Variants in ZMAT4 observed in about 807,000 individuals in gnomAD.
ZMAT4 encodes zinc finger matrin-type 4.
In ZMAT4, 17 loss-of-function variants were observed where a neutral mutation model predicts 28.7. The observed-to-expected ratio is 0.59, with a 90% CI of 0.41 to 0.89. ZMAT4 has a LOEUF of 0.89. Ranked by LOEUF, ZMAT4 falls within the 40% of genes least tolerant of loss-of-function variation. The pLI is 0.00. For synonymous variants in ZMAT4, 117 were observed against 109.2 expected (o/e 1.07, Z -0.44); for missense variants, 240 against 283.8 (o/e 0.85, Z 1.11).
chr8:40,696,426 A>G (rs1809886993), intron 4 of ZMAT4, among the ~76,000 whole-genome samples: 1 of 152,222 alleles, frequency 6.6e-6, no homozygotes, highest in Admixed American at 6.5e-5. Flanking sequence ...TTTTAATCGC[A>G]TGGAAAGAGT....
chr8:40,822,056 A>G (rs961945158), intron 2 of ZMAT4, among the ~76,000 whole-genome samples: 2 of 152,254 alleles, frequency 1.3e-5, no homozygotes, highest in African/African-American at 2.4e-5. Flanking sequence ...TAACAGCACG[A>G]TGTAATGTAC....
chr8:40,866,152 TC>T (rs1251132639), intron 1 of ZMAT4, among the ~76,000 whole-genome samples: 1 of 152,236 alleles, frequency 6.6e-6, no homozygotes, highest in Non-Finnish European at 1.5e-5. Flanking sequence ...TAAAGTTCTT[TC>T]ACTTGAATTT....
At chr8:40,742,084 C>CAAAAAAAA (rs761846118) in intron 3 of ZMAT4, among the ~76,000 whole-genome samples, 3 of 8,470 alleles carry the variant, frequency 3.5e-4, no homozygotes, top group African/African-American at 6.5e-4. Context: ...ACTAAAAATA[C>CAAAAAAAA]AAAAAAAAAC....
At chr8:40,676,835 C>T (rs1808931408) in intron 4 of ZMAT4, among the ~76,000 whole-genome samples, 1 of 152,080 alleles carries the variant, frequency 6.6e-6, no homozygotes, top group South Asian at 2.1e-4. Context: ...AGAAATAAAG[C>T]TCAAATGTGG....
chr8:40,713,280 G>A (rs1304505173), intron 3 of ZMAT4, among the ~76,000 whole-genome samples: 1 of 152,086 alleles, frequency 6.6e-6, no homozygotes, highest in Non-Finnish European at 1.5e-5. Flanking sequence ...AAGTCACTAG[G>A]AGAAATAAAT....
At chr8:40,803,661 C>T (rs1563495267) in intron 2 of ZMAT4, among the ~76,000 whole-genome samples, 1 of 152,174 alleles carries the variant, frequency 6.6e-6, no homozygotes, top group African/African-American at 2.4e-5. Context: ...CTTTGGAAGA[C>T]AATTTGGCAG....
At chr8:40,781,599 A>G (rs1436167977) in intron 2 of ZMAT4, among the ~76,000 whole-genome samples, 2 of 150,162 alleles carry the variant, frequency 1.3e-5, no homozygotes, top group Non-Finnish European at 3.0e-5. Context: ...CGTCTCTACT[A>G]AAAATACAAA....
chr8:40,712,912 A>C (rs189257003), intron 3 of ZMAT4, among the ~76,000 whole-genome samples: 1 of 152,198 alleles, frequency 6.6e-6, no homozygotes, highest in Admixed American at 6.5e-5. Context: ...GTCTTCCCAT[A>C]TGTATTTGCA....
At chr8:40,624,955 A>C (rs1379042592) in intron 5 of ZMAT4, among the ~76,000 whole-genome samples, 2 of 152,220 alleles carry the variant, frequency 1.3e-5, no homozygotes, top group African/African-American at 4.8e-5. Context: ...ATAATTTCAA[A>C]TAATGCTAAG....
chr8:40,887,669 G>A (rs1234033109), intron 1 of ZMAT4, among the ~76,000 whole-genome samples: 1 of 152,070 alleles, frequency 6.6e-6, no homozygotes, highest in Non-Finnish European at 1.5e-5. Flanking sequence ...CAACCCCGCA[G>A]AGCAATTGCA....
chr8:40,542,347 A>G (rs1803062933), intron 6 of ZMAT4, among the ~76,000 whole-genome samples: 1 of 152,110 alleles, frequency 6.6e-6, no homozygotes, highest in African/African-American at 2.4e-5. Context: ...AAGCAGTAAT[A>G]TGATCATCCG....
rs1802709249 is a variant in ZMAT4 at position 40,532,139 on chromosome 8, A to T, written c.*84T>A. 1.5e-6 allele frequency: 2 copies of T among 1,306,418 alleles called. No homozygotes were observed. The highest frequency in any genetic ancestry group is 3.0e-5 in the African/African-American group (2 of 66,554). 80.9% of individuals were successfully genotyped at this position (1,306,418 alleles called of 1,614,324 possible). ...AAGAAATGTTTATTGTTCAAGAAAG[A>T]AGCCTCCTCTGGTGGTTGATAAGCA... On this transcript the variant is annotated 3_prime_UTR_variant, in exon 7 of 7. Transcript: ENST00000297737.
chr8:40,784,864 A>G (rs1008711160), intron 2 of ZMAT4, among the ~76,000 whole-genome samples: 1 of 152,210 alleles, frequency 6.6e-6, no homozygotes, highest in African/African-American at 2.4e-5. Context: ...GTAAATAATA[A>G]GAGAGGTGGC....
intron 3 of ZMAT4, among the ~76,000 whole-genome samples, chr8:40,748,346 C>T (rs1210400806): frequency 6.6e-6 from 1 of 152,188 alleles, no homozygotes; most frequent in Non-Finnish European, 1.5e-5. Flanking sequence ...TGCTGTAGAG[C>T]ATTTCAATGG....
chr8:40,732,900 C>T (rs1811605454), intron 3 of ZMAT4, among the ~76,000 whole-genome samples: 1 of 124,732 alleles, frequency 8.0e-6, no homozygotes, highest in African/African-American at 3.1e-5. Flanking sequence ...GGCTGGAATG[C>T]AGTGGCATGA....
intron 5 of ZMAT4, among the ~76,000 whole-genome samples, chr8:40,591,378 C>T (rs1804887934): frequency 6.6e-6 from 1 of 152,214 alleles, no homozygotes; most frequent in Admixed American, 6.5e-5. Context: ...TCTCCACCCT[C>T]AAGGTTGCTG....
intron 3 of ZMAT4, among the ~76,000 whole-genome samples, chr8:40,716,116 A>T (rs945533167): frequency 6.6e-6 from 1 of 152,222 alleles, no homozygotes; most frequent in African/African-American, 2.4e-5. Flanking sequence ...TATAACTTTA[A>T]TGGAGGGCTT....
At chr8:40,631,910 A>G (rs750080740) in intron 5 of ZMAT4, among the ~76,000 whole-genome samples, 2 of 152,206 alleles carry the variant, frequency 1.3e-5, no homozygotes, top group African/African-American at 2.4e-5. Flanking sequence ...CCCACTTCAA[A>G]TACTCAGACG....
rs141473804 is a variant in ZMAT4, at chr8:40,561,741, T to C, written c.674+19424A>G. ...GGCTTTGAATGTGGCCCAATACAAA[T>C]TCGTAAACTTTCTCAAAACATTATG... On this transcript the variant is annotated intron_variant, in intron 6 of 6. Transcript: ENST00000297737. Among the ~76,000 whole-genome samples the C allele has an allele frequency of 5.9e-5, 9 of 152,248 alleles. No individual in the cohort carries two copies. In the East Asian group the frequency reaches 1.7e-3, roughly 29 times the overall value.
Sources: gnomAD v4.1 joint callset for allele counts (sites outside exome capture counted in the v4.1 genomes callset) on GRCh38, gnomAD v4.1.1 for gene constraint, MANE v1.5 for transcripts, NCBI Gene and HGNC (gene_info 2026-07-23, HGNC 2026-07-21) for gene names.